E2F1: variants seen among roughly 807,000 people sequenced by gnomAD.
E2F1 encodes transcription factor E2F1.
Under a neutral mutation model 36.9 loss-of-function variants are expected in E2F1, and 7 were observed. The observed-to-expected ratio is 0.19, with a 90% CI of 0.11 to 0.36. The LOEUF is 0.36. Ranked by LOEUF, E2F1 falls within the 10% of genes least tolerant of loss-of-function variation. The probability of loss-of-function intolerance (pLI) is 1.00; values close to 1 mark genes in which losing one functional copy is unlikely to be tolerated. For missense variants in E2F1, 406 were observed against 573.6 expected (o/e 0.71, Z 2.99); for synonymous variants, 261 against 263.1 (o/e 0.99, Z 0.08).
At chr20:33,682,695 A>G (rs1299216893) in intron 1 of E2F1, among the ~76,000 whole-genome samples, 1 of 152,198 alleles carries the variant, frequency 6.6e-6, no homozygotes, top group Non-Finnish European at 1.5e-5. Context: ...GGGGCCCCGA[A>G]ACGCAGGGGT....
intron 1 of E2F1, among the ~76,000 whole-genome samples, chr20:33,682,557 C>T (rs759453459): frequency 3.9e-5 from 6 of 152,214 alleles, no homozygotes; most frequent in Non-Finnish European, 8.8e-5. Context: ...CTGCCATCTG[C>T]ACCCCTTGCC....
At chr20:33,685,588 G>C (rs2122553960) in intron 1 of E2F1, among the ~76,000 whole-genome samples, 1 of 152,262 alleles carries the variant, frequency 6.6e-6, no homozygotes, top group East Asian at 1.9e-4. Flanking sequence ...CCAGGGGCAA[G>C]TCACTTTCCC....
At chr20:33,678,145 T>C (rs1410651285) in intron 4 of E2F1, 56 bp downstream of exon 4, 1 of 1,559,058 alleles carries the variant, frequency 6.4e-7, no homozygotes, top group East Asian at 2.3e-5. Context: ...CCCACTTGGG[T>C]GGAGCCCCTG....
At position 33,676,830 on chromosome 20, in the gene E2F1, G is replaced by C. The variant is rs373228968; in HGVS notation, c.1216C>G (p.His406Asp). Residue 406 changes from histidine (H) to aspartate (D), a missense_variant, in exon 7 of 7, where the codon CAC becomes GAC. His to Asp is a moderately conservative substitution (Grantham distance 81). Around this residue, in one of 5 missense-constraint regions of E2F1, gnomAD observed 163 missense variants for 181.5 expected, o/e 0.90. Coordinates refer to ENST00000343380, the MANE Select transcript of E2F1 (RefSeq NM_005225.3). ...PEEFISLSPP[H>D]EALDYHFGLE... ...CCGAAGTGGTAGTCGAGGGCCTCGT[G>C]GGGTGGGGAAAGGCTGATGAACTCC... 5.6e-6 allele frequency: 9 copies of C among 1,596,162 alleles called. No individual in the cohort carries two copies. The South Asian group carries it at 5.6e-5, about 10-fold the overall frequency.
chr20:33,680,192 T>TG, intron 2 of E2F1, 134 bp downstream of exon 2: 2 of 1,028,094 alleles, frequency 1.9e-6, no homozygotes, highest in Non-Finnish European at 2.8e-6. Flanking sequence ...CCACTCCAAC[T>TG]GCCCATCAGG....
chr20:33,683,094 G>C (rs1262737979), intron 1 of E2F1, among the ~76,000 whole-genome samples: 1 of 151,940 alleles, frequency 6.6e-6, no homozygotes, highest in Non-Finnish European at 1.5e-5. Flanking sequence ...AATAGCCTTA[G>C]GGAAAAAAAG....
At chr20:33,683,602 C>G (rs1440648748) in intron 1 of E2F1, among the ~76,000 whole-genome samples, 1 of 150,100 alleles carries the variant, frequency 6.7e-6, no homozygotes, top group Non-Finnish European at 1.5e-5. Context: ...GCAAGACCCT[C>G]TCTCTACTAA....
intron 1 of E2F1, 151 bp from the exon 2 acceptor site, chr20:33,680,567 T>C (rs1489549145): frequency 1.6e-6 from 1 of 642,050 alleles, no homozygotes; most frequent in Non-Finnish European, 2.7e-6. Context: ...GGACATAGCC[T>C]GAGAGTCACA....
rs535111025 is a variant in E2F1, at chr20:33,676,807, G to A, written c.1239C>T (p.Phe413=). ...TGATGCCCTCGCCCTCCTCGAGGCC[G>A]AAGTGGTAGTCGAGGGCCTCGTGGG... is the stretch of plus-strand genomic sequence containing the variant. ...SPPHEALDYH[F]GLEEGEGIRD... is the part of the protein sequence containing the mutation. Residue 413 remains phenylalanine, a synonymous_variant, in exon 7 of 7, where the codon TTC becomes TTT. Coordinates refer to ENST00000343380, the MANE Select transcript of E2F1 (RefSeq NM_005225.3). 4.7e-5 allele frequency: 76 copies of A among 1,602,412 alleles called. No individual in the cohort carries two copies. In the South Asian group the frequency reaches 6.8e-4, roughly 14 times the overall value.
At chr20:33,678,565 C>T (rs569043661) in intron 3 of E2F1, among the ~76,000 whole-genome samples, 1 of 152,130 alleles carries the variant, frequency 6.6e-6, no homozygotes, top group South Asian at 2.1e-4. Flanking sequence ...ACATGTCCCT[C>T]AACCAGGGCG....
chr20:33,685,352 G>A (rs2018057514), intron 1 of E2F1, among the ~76,000 whole-genome samples: 1 of 152,236 alleles, frequency 6.6e-6, no homozygotes, highest in African/African-American at 2.4e-5. Flanking sequence ...TCCCAGCCAG[G>A]AGGGCTGTCC....
chr20:33,686,158 A>G lies in E2F1; in HGVS notation c.107T>C (p.Ile36Thr). The G allele has an allele frequency of 9.5e-7, 1 of 1,057,352 alleles. No homozygotes were observed. Among genetic ancestry groups the G allele is most frequent in the Non-Finnish European group, 1.1e-6 (1 of 878,138 alleles). 65.5% of individuals were successfully genotyped at this position (1,057,352 alleles called of 1,614,324 possible). A position where few individuals can be genotyped will look rare whatever the true frequency, so the allele number is the denominator to read the frequency against. Reference protein sequence around the residue: ...RLLDSSQIVIISAAQDASAPP... With the variant: ...RLLDSSQIVITSAAQDASAPP... ...GGCGCTGGCGTCCTGCGCGGCGGAG[A>G]TGATGACGATCTGCGAGGAGTCGAG... Residue 36 changes from isoleucine (I) to threonine (T), a missense_variant, in exon 1 of 7, where the codon ATC becomes ACC. Coordinates refer to ENST00000343380, the MANE Select transcript of E2F1 (RefSeq NM_005225.3).
chr20:33,686,119 G>T lies in E2F1; in HGVS notation c.146C>A (p.Thr49Asn). ...GCCGGCGGCGGGCGCCGCGGGGCCG[G>T]TGGGAGCCGGCGGGGCGCTGGCGTC... The part of the protein sequence containing the change: ...AQDASAPPAP[T>N]GPAAPAAGPC... Residue 49 changes from threonine to asparagine, a missense_variant, in exon 1 of 7, where the codon ACC (threonine) becomes AAC (asparagine). Coordinates refer to ENST00000343380, the MANE Select transcript of E2F1 (RefSeq NM_005225.3). The T allele has an allele frequency of 9.4e-7, 1 of 1,067,510 alleles. No homozygotes were observed. Among genetic ancestry groups the T allele is most frequent in the Non-Finnish European group, 1.1e-6 (1 of 885,200 alleles). 66.1% of individuals were successfully genotyped at this position (1,067,510 alleles called of 1,614,324 possible).
chr20:33,684,917 C>T (rs769614197), intron 1 of E2F1, among the ~76,000 whole-genome samples: 1 of 152,130 alleles, frequency 6.6e-6, no homozygotes, highest in Non-Finnish European at 1.5e-5. Flanking sequence ...GGCCAGACCC[C>T]GCCTGCACAC....
intron 3 of E2F1, among the ~76,000 whole-genome samples, chr20:33,678,847 A>T (rs950340104): frequency 2.0e-5 from 3 of 152,178 alleles, no homozygotes; most frequent in African/African-American, 7.2e-5. Flanking sequence ...TCCTAGCTAC[A>T]GGTACGGAGC....
chr20:33,677,768 A>G (rs1464624123), intron 4 of E2F1, among the ~76,000 whole-genome samples: 1 of 152,072 alleles, frequency 6.6e-6, no homozygotes, highest in African/African-American at 2.4e-5. Context: ...TCCATGTAAA[A>G]TGTTCAACAC....
chr20:33,680,510 G>A, intron 1 of E2F1, 94 bp from the exon 2 acceptor site: 3 of 1,078,550 alleles, frequency 2.8e-6, no homozygotes, highest in Non-Finnish European at 4.1e-6. Flanking sequence ...CCTCGCCTCA[G>A]TTTCTCTAGC....
rs748471303 is a variant in E2F1, at chr20:33,679,956, T to C, written c.371A>G (p.Glu124Gly). Residue 124 changes from glutamate to glycine, a missense_variant, in exon 3 of 7, where the codon GAG (glutamate) becomes GGG (glycine). By Grantham distance (98) the Glu-to-Gly change is moderately conservative (BLOSUM62 -2). Coordinates refer to ENST00000343380, the MANE Select transcript of E2F1 (RefSeq NM_005225.3). This position sits in a 1 kb window ranked among gnomAD's most constrained non-coding sequence, Gnocchi z 4.6. ...CAGTGAGGTCTCATAGCGTGACTTC[T>C]CCCCCGGGGATTTCACACCTGTGGG... The part of the protein sequence containing the change: ...HPGKGVKSPG[E>G]KSRYETSLNL... The C allele has an allele frequency of 6.2e-7, 1 of 1,613,828 alleles. No individual in the cohort carries two copies. Among genetic ancestry groups the C allele is most frequent in the East Asian group, 2.2e-5 (1 of 44,854 alleles).
chr20:33,678,131 T>TA, intron 4 of E2F1, 70 bp downstream of exon 4: 1 of 1,532,140 alleles, frequency 6.5e-7, no homozygotes, highest in Non-Finnish European at 8.8e-7. Flanking sequence ...CAAGCCTCTC[T>TA]AGTCCCACTT....
Sources: allele counts gnomAD v4.1 joint callset (sites outside exome capture counted in the v4.1 genomes callset), GRCh38; gene constraint gnomAD v4.1.1; regional missense constraint gnomAD v4.1.1; non-coding constraint Gnocchi (gnomAD v3.1); transcripts MANE v1.5; gene names NCBI Gene and HGNC (gene_info 2026-07-23, HGNC 2026-07-21).